Variants in CACNA1C observed in about 807,000 individuals in gnomAD.
CACNA1C encodes the protein voltage-dependent L-type calcium channel subunit alpha-1C.
CACNA1C carries 30 observed loss-of-function variants against 229.0 expected under a neutral mutation model. That is an observed-to-expected ratio of 0.13 (90% CI 0.10 to 0.18). The LOEUF is 0.18. Among genes scored for constraint, CACNA1C ranks in the 10% least tolerant of loss-of-function variants. The pLI is 1.00. For missense variants in CACNA1C, 1,658 were observed against 2,845.0 expected (o/e 0.58, Z 9.49); for synonymous variants, 1,114 against 1,132.5 (o/e 0.98, Z 0.33).
intron 3 of CACNA1C, among the ~76,000 whole-genome samples, chr12:2,419,892 A>G (rs1047045665): frequency 6.6e-6 from 1 of 152,098 alleles, no homozygotes; most frequent in African/African-American, 2.4e-5. Context: ...CTGTGTCATC[A>G]TGGGTGCCGG....
In CACNA1C at chr12:2,653,188, A is replaced by G. The variant is rs913290513; in HGVS notation, c.4075-647A>G. On this transcript the variant is annotated intron_variant, in intron 32 of 46. Coordinates refer to ENST00000399655, the MANE Select transcript of CACNA1C (RefSeq NM_000719.7). The surrounding 1 kb of genome is among the most constrained non-coding windows in gnomAD (Gnocchi z 4.7). The stretch of plus-strand genomic sequence containing the variant: ...GGAACCCAGCTCTGCAAGGCATTGC[A>G]CTAAGCACTTTATAAGCCTTAAATC... 8.0e-4 allele frequency among the ~76,000 whole-genome samples: 122 copies of G among 152,360 alleles called. No individual in the cohort carries two copies. The highest frequency in any genetic ancestry group is 2.7e-3 in the African/African-American group (111 of 41,586).
At chr12:2,427,534 A>AG (rs34336020) in intron 3 of CACNA1C, among the ~76,000 whole-genome samples, 180 of 6,720 alleles carry the variant, frequency 0.027, no homozygotes, top group African/African-American at 0.091. Flanking sequence ...CGACCCACAC[A>AG]TCAAGGAGGC....
intron 30 of CACNA1C, chr12:2,641,590 C>G (rs2153605847): frequency 1.6e-6 from 1 of 623,410 alleles, no homozygotes; most frequent in East Asian, 2.9e-5. Context: ...CAGCCCCCAC[C>G]CCCAACAAAC....
At chr12:2,232,097 T>G (rs997277527) in intron 3 of CACNA1C, among the ~76,000 whole-genome samples, 15 of 152,134 alleles carry the variant, frequency 9.9e-5, no homozygotes, top group African/African-American at 3.6e-4. Context: ...CAGACTTCAT[T>G]TTGATCTTAC....
intron 3 of CACNA1C, among the ~76,000 whole-genome samples, chr12:2,417,032 C>A (rs1416595785): frequency 1.3e-5 from 2 of 152,244 alleles, no homozygotes; most frequent in Non-Finnish European, 2.9e-5. Flanking sequence ...GTACACACCT[C>A]TCTTAAACAT....
At chr12:2,463,742 A>G (rs1186467549) in intron 5 of CACNA1C, among the ~76,000 whole-genome samples, 2 of 152,190 alleles carry the variant, frequency 1.3e-5, no homozygotes, top group Non-Finnish European at 2.9e-5. Flanking sequence ...TACACTGCAG[A>G]GGTGAAAATC....
intron 3 of CACNA1C, among the ~76,000 whole-genome samples, chr12:2,380,592 C>G (rs746306284): frequency 4.6e-5 from 7 of 152,114 alleles, no homozygotes; most frequent in Non-Finnish European, 7.3e-5. Context: ...TGGTTAGATT[C>G]CCAGTGTTCC....
upstream of CACNA1C, among the ~76,000 whole-genome samples, chr12:2,052,734 C>A (rs2154501380): frequency 6.9e-6 from 1 of 145,782 alleles, no homozygotes; most frequent in Non-Finnish European, 1.5e-5. Context: ...TGACGTCATG[C>A]GGGCGGAGGG....
chr12:2,399,961 C>G (rs1377385063), intron 3 of CACNA1C, among the ~76,000 whole-genome samples: 1 of 152,194 alleles, frequency 6.6e-6, no homozygotes, highest in East Asian at 1.9e-4. Flanking sequence ...TTGATTCCCC[C>G]TTGCAAGGTT....
At chr12:2,174,761 C>T (rs1460783049) in intron 3 of CACNA1C, among the ~76,000 whole-genome samples, 3 of 152,110 alleles carry the variant, frequency 2.0e-5, no homozygotes, top group East Asian at 1.9e-4. Flanking sequence ...CATAAACAGT[C>T]GATGAACACA....
intron 9 of CACNA1C, among the ~76,000 whole-genome samples, chr12:2,538,533 A>G (rs1008691960): frequency 2.0e-5 from 3 of 151,978 alleles, no homozygotes; most frequent in African/African-American, 7.3e-5. Context: ...TCTTTTCCTT[A>G]GAAGAGATCC....
intron 10 of CACNA1C, among the ~76,000 whole-genome samples, chr12:2,555,305 G>A (rs1320468741): frequency 1.3e-5 from 2 of 152,238 alleles, no homozygotes; most frequent in East Asian, 3.9e-4. Context: ...GCAAAGGGCC[G>A]GTGGTCGTCA....
At chr12:2,531,114 C>A (rs549326400) in intron 9 of CACNA1C, among the ~76,000 whole-genome samples, 1 of 152,318 alleles carries the variant, frequency 6.6e-6, no homozygotes, top group East Asian at 1.9e-4. Context: ...CTCCTTTTGC[C>A]CATATTATCT....
chr12:2,534,856 C>G (rs767209564), intron 9 of CACNA1C, among the ~76,000 whole-genome samples: 1 of 152,146 alleles, frequency 6.6e-6, no homozygotes, highest in Non-Finnish European at 1.5e-5. Context: ...TAAATTAAAC[C>G]TTTCCATTTT....
intron 13 of CACNA1C, among the ~76,000 whole-genome samples, chr12:2,572,782 T>TCTC (rs1215696392): frequency 1.0e-5 from 1 of 100,224 alleles, no homozygotes; most frequent in African/African-American, 3.9e-5. Flanking sequence ...CTCCTTCTCC[T>TCTC]CTCCTCCTCC....
rs552912481 is a variant in CACNA1C at position 2,569,135 on chromosome 12, C to T, written c.1895+1341C>T. Among the ~76,000 whole-genome samples, 8 of 152,174 alleles carry T rather than the reference C, an allele frequency of 5.3e-5. No homozygotes were observed. In the South Asian group the frequency reaches 8.3e-4, roughly 16 times the overall value. On this transcript the variant is annotated intron_variant, in intron 13 of 46. Transcript: ENST00000399655. ...ATGGCCACCCCTCCATATGTCAGTC[C>T]GGCACCTACCCAAAGCAGGCCATCT...
chr12:2,101,818 C>T (rs2283281), intron 1 of CACNA1C, among the ~76,000 whole-genome samples: 83,856 of 151,630 alleles, frequency 0.55, 24,416 homozygotes, highest in Non-Finnish European at 0.64. Flanking sequence ...CTCACAAGGT[C>T]GCTGCCTCCT....
intron 3 of CACNA1C, among the ~76,000 whole-genome samples, chr12:2,448,237 T>C (rs1223942383): frequency 6.6e-6 from 1 of 152,136 alleles, no homozygotes. Flanking sequence ...AGGAAGAAGA[T>C]TGTCTTCTGC....
intron 1 of CACNA1C, among the ~76,000 whole-genome samples, chr12:2,021,985 G>A (rs2046545695): frequency 6.6e-6 from 1 of 152,164 alleles, no homozygotes. Context: ...CATTTATTGT[G>A]TTCAACACCT....
Sources: allele counts gnomAD v4.1 joint callset (sites outside exome capture counted in the v4.1 genomes callset), GRCh38; gene constraint gnomAD v4.1.1; non-coding constraint Gnocchi (gnomAD v3.1); transcripts MANE v1.5; gene names NCBI Gene and HGNC (gene_info 2026-07-23, HGNC 2026-07-21).